FBXL14: variants seen among roughly 807,000 people sequenced by gnomAD.
The protein encoded by FBXL14 is F-box/LRR-repeat protein 14.
Under a neutral mutation model 24.5 loss-of-function variants are expected in FBXL14, and 11 were observed. The ratio of observed to expected loss-of-function variants is 0.45; its 90% confidence interval spans 0.28 to 0.74. The LOEUF (loss-of-function observed/expected upper bound fraction) is 0.74. FBXL14 is among the 30% of genes least tolerant of loss of function. The pLI is 0.12. For missense variants in FBXL14, 384 were observed against 545.6 expected (o/e 0.70, Z 2.95); for synonymous variants, 294 against 240.4 (o/e 1.22, Z -2.06).
chr12:1,589,086 G>T (rs1047819611), intron 1 of FBXL14, among the ~76,000 whole-genome samples: 2 of 151,400 alleles, frequency 1.3e-5, no homozygotes, highest in Non-Finnish European at 2.9e-5. Context: ...AAGGGAGCTG[G>T]ACTTTAGAAA....
intron 1 of FBXL14, chr12:1,587,552 A>C (rs906196075): frequency 4.6e-5 from 7 of 152,190 alleles, no homozygotes; most frequent in Non-Finnish European, 1.0e-4. Context: ...AAAGAGGAAA[A>C]AACTGAAACT....
chr12:1,593,526 G>A lies in FBXL14; in HGVS notation c.541C>T (p.His181Tyr). The change falls in exon 1 of 2, where the codon CAC becomes TAC. Residue 181 changes from histidine to tyrosine, a missense_variant. Coordinates refer to ENST00000339235, the MANE Select transcript of FBXL14 (RefSeq NM_152441.3). The surrounding 1 kb of genome is among the most constrained non-coding windows in gnomAD (Gnocchi z 7.4). ...LKSLNLRSCR[H>Y]LSDVGIGHLA... The stretch of plus-strand genomic sequence containing the variant: ...TGCCCGATGCCCACATCCGAAAGGT[G>A]GCGGCAGCTGCGGAGGTTAAGGCTC... 1.2e-6 allele frequency: 2 copies of A among 1,613,862 alleles called. No individual in the cohort carries two copies. The highest frequency in any genetic ancestry group is 1.7e-6 in the Non-Finnish European group (2 of 1,179,926).
chr12:1,572,878 G>T (rs1409207900), intron 1 of FBXL14, among the ~76,000 whole-genome samples: 1 of 152,126 alleles, frequency 6.6e-6, no homozygotes, highest in Middle Eastern at 3.2e-3. Context: ...AAATAATGCG[G>T]TCAGAATCCA....
chr12:1,584,213 T>TG (rs1406316972), intron 1 of FBXL14, among the ~76,000 whole-genome samples: 1 of 151,764 alleles, frequency 6.6e-6, no homozygotes, highest in Non-Finnish European at 1.5e-5. Flanking sequence ...ATAATGGGCA[T>TG]GGTGGCACAT....
intron 1 of FBXL14, among the ~76,000 whole-genome samples, chr12:1,575,927 T>C (rs1428013962): frequency 6.6e-6 from 1 of 152,178 alleles, no homozygotes; most frequent in Non-Finnish European, 1.5e-5. Flanking sequence ...GAGGAAATGC[T>C]CAGAGGCACT....
intron 1 of FBXL14, among the ~76,000 whole-genome samples, chr12:1,582,227 G>GAGAA (rs150099977): frequency 0.047 from 7,185 of 151,758 alleles, 205 homozygotes; most frequent in Middle Eastern, 0.061. Flanking sequence ...GAAAGAAAAA[G>GAGAA]AGAAAGAAAG....
intron 1 of FBXL14, among the ~76,000 whole-genome samples, chr12:1,580,973 G>C (rs948805102): frequency 1.3e-5 from 2 of 152,112 alleles, no homozygotes; most frequent in Non-Finnish European, 2.9e-5. Context: ...TATCTCTGAA[G>C]TATCAAGCGG....
In FBXL14 at chr12:1,593,329, G is replaced by C; in HGVS notation, c.738C>G (p.Leu246=). The C allele has an allele frequency of 6.2e-7, 1 of 1,613,628 alleles. No homozygotes were observed. Among genetic ancestry groups the C allele is most frequent in the Middle Eastern group, 1.6e-4 (1 of 6,062 alleles). ...GGCTGCCCATGTGCGACAGGTGCAG[G>C]AGGCCAGCGTCCGAGATTCCCCCAC... ...SFCGGISDAG[L]LHLSHMGSLR... Residue 246 remains leucine, a synonymous_variant, in exon 1 of 2, where the codon CTC becomes CTG. Transcript: ENST00000339235. The surrounding 1 kb of genome is among the most constrained non-coding windows in gnomAD (Gnocchi z 7.4).
chr12:1,592,773 G>C, intron 1 of FBXL14, 100 bp downstream of exon 1: 2 of 1,037,928 alleles, frequency 1.9e-6, no homozygotes, highest in Admixed American at 5.6e-5. Flanking sequence ...CCGCTGCAAT[G>C]ATCTGTGCGT....
chr12:1,592,192 A>ATATATATATATATATAATT (rs1314974586), intron 1 of FBXL14, among the ~76,000 whole-genome samples: 3 of 144,470 alleles, frequency 2.1e-5, no homozygotes, highest in African/African-American at 7.7e-5. Context: ...ATATATATGT[A>ATATATATATATATATAATT]TATATATATA....
At position 1,569,489 on chromosome 12, in the gene FBXL14, T is replaced by C. The variant is rs1592453395; in HGVS notation, c.1195-2679A>G. The stretch of plus-strand genomic sequence containing the variant: ...AATCTCGGCTCACTGCAAGCTCCGC[T>C]TCCCGGGTTCACGCCATTCTCCTGC... On this transcript the variant is annotated intron_variant, in intron 1 of 1. Transcript: ENST00000339235. The surrounding 1 kb of genome is among the most constrained non-coding windows in gnomAD (Gnocchi z 4.2). Among the ~76,000 whole-genome samples, 3 of 151,824 alleles carry C rather than the reference T, an allele frequency of 2.0e-5. No individual in the cohort carries two copies. Among genetic ancestry groups the C allele is most frequent in the East Asian group, 3.9e-4 (2 of 5,162 alleles).
rs1232782345 is a variant in FBXL14, at chr12:1,566,731, T to A, written c.*17A>T. 1.3e-6 allele frequency: 1 copy of A among 780,892 alleles called. No homozygotes were observed. Among genetic ancestry groups the A allele is most frequent in the East Asian group, 2.4e-5 (1 of 41,240 alleles). The allele number at this position is 780,892 out of a possible 1,614,324, so 48.4% of individuals were successfully genotyped here. On this transcript the variant is annotated 3_prime_UTR_variant, in exon 2 of 2. Transcript: ENST00000339235. ...AAGTTAAAGATCCACGGGAACCATG[T>A]CGTTGTCCCCTCTCCCTCACCTTCT...
At chr12:1,573,865 C>CGTA (rs2094450000) in intron 1 of FBXL14, among the ~76,000 whole-genome samples, 1 of 152,088 alleles carries the variant, frequency 6.6e-6, no homozygotes, top group Admixed American at 6.6e-5. Flanking sequence ...ATTAGCTGGG[C>CGTA]GTGGTGGCGC....
At position 1,569,825 on chromosome 12, in the gene FBXL14, A is replaced by G. The variant is rs1159363110; in HGVS notation, c.1195-3015T>C. On this transcript the variant is annotated intron_variant, in intron 1 of 1. Coordinates refer to ENST00000339235, the MANE Select transcript of FBXL14 (RefSeq NM_152441.3). The surrounding 1 kb of genome is among the most constrained non-coding windows in gnomAD (Gnocchi z 4.2). ...AGCCACTTTTGTTGAAGGCTGTGCC[A>G]CTCACCCAGAGTCCCCTGTGCAAAG... Among the ~76,000 whole-genome samples the G allele has an allele frequency of 2.6e-5, 4 of 152,160 alleles. No individual in the cohort carries two copies. The highest frequency in any genetic ancestry group is 5.9e-5 in the Non-Finnish European group (4 of 68,028).
Position 1,569,328 on chromosome 12 carries a change from G to A in FBXL14, c.1195-2518C>T, listed in dbSNP as rs2094441240. On this transcript the variant is annotated intron_variant, in intron 1 of 1. Coordinates refer to ENST00000339235, the MANE Select transcript of FBXL14 (RefSeq NM_152441.3). This position sits in a 1 kb window ranked among gnomAD's most constrained non-coding sequence, Gnocchi z 4.2. ...TTCCCATTCCCTCTCCTTTTCACCA[G>A]GCTTCTCCTCTTCCTTCTTCCCTCT... Among the ~76,000 whole-genome samples the A allele has an allele frequency of 6.6e-6, 1 of 150,828 alleles. No homozygotes were observed. Among genetic ancestry groups the A allele is most frequent in the Admixed American group, 6.6e-5 (1 of 15,146 alleles).
Position 1,574,488 on chromosome 12 carries a change from C to CTGGGGTGAGAGGAGGCTGG in FBXL14, c.1195-7679_1195-7678insCCAGCCTCCTCTCACCCCA, listed in dbSNP as rs1265626390. ...GGGTGGAGGCTGGGGTGAGGGGAGG[C>CTGGGGTGAGAGGAGGCTGG]TGGCAGCAGCGGTGTGGATGGAGGC... On this transcript the variant is annotated intron_variant, in intron 1 of 1. Coordinates refer to ENST00000339235, the MANE Select transcript of FBXL14 (RefSeq NM_152441.3). Among the ~76,000 whole-genome samples the CTGGGGTGAGAGGAGGCTGG allele has an allele frequency of 5.1e-5, 5 of 97,952 alleles. 1 individual carries two copies. The highest frequency in any genetic ancestry group is 1.1e-4 in the Admixed American group (1 of 8,866). The allele number at this position is 97,952 out of a possible 152,430, so 64.3% of individuals were successfully genotyped here.
chr12:1,587,054 A>G (rs1159387349), intron 1 of FBXL14, among the ~76,000 whole-genome samples: 1 of 152,114 alleles, frequency 6.6e-6, no homozygotes, highest in Non-Finnish European at 1.5e-5. Flanking sequence ...CCTGACCAAC[A>G]TGGAGAAACC....
At chr12:1,588,264 A>C (rs1044800319) in intron 1 of FBXL14, among the ~76,000 whole-genome samples, 1 of 152,078 alleles carries the variant, frequency 6.6e-6, no homozygotes, top group East Asian at 1.9e-4. Flanking sequence ...CAAAAGTGAA[A>C]GGTTTTGTTT....
rs898399635 is a variant in FBXL14 at position 1,569,684 on chromosome 12, G to T, written c.1195-2874C>A. Among the ~76,000 whole-genome samples the T allele has an allele frequency of 1.3e-5, 2 of 152,256 alleles. No homozygotes were observed. Among genetic ancestry groups the T allele is most frequent in the African/African-American group, 2.4e-5 (1 of 41,470 alleles). ...CAGAGTGCTGGGATTACAGGCGTGA[G>T]CCACCGCTCCCGGCACCACTTGGTT... On this transcript the variant is annotated intron_variant, in intron 1 of 1. Transcript: ENST00000339235. The surrounding 1 kb of genome is among the most constrained non-coding windows in gnomAD (Gnocchi z 4.2).
Sources: allele counts gnomAD v4.1 joint callset (sites outside exome capture counted in the v4.1 genomes callset), GRCh38; gene constraint gnomAD v4.1.1; non-coding constraint Gnocchi (gnomAD v3.1); transcripts MANE v1.5; gene names NCBI Gene and HGNC (gene_info 2026-07-23, HGNC 2026-07-21).